PIK3CD: variants seen among roughly 807,000 people sequenced by gnomAD.
The protein encoded by PIK3CD is phosphatidylinositol-4,5-bisphosphate 3-kinase catalytic subunit delta.
PIK3CD carries 20 observed loss-of-function variants against 122.9 expected under a neutral mutation model. The observed-to-expected ratio is 0.16, with a 90% CI of 0.11 to 0.24. The LOEUF (loss-of-function observed/expected upper bound fraction) is 0.24, where lower values mean the gene tolerates loss of function less well. PIK3CD is among the 10% of genes least tolerant of loss of function. PIK3CD has a pLI of 1.00. For missense variants in PIK3CD, 787 were observed against 1,406.3 expected (o/e 0.56, Z 7.04); for synonymous variants, 596 against 593.4 (o/e 1.00, Z -0.06).
rs1648984314 is a variant in PIK3CD at position 9,723,323 on chromosome 1, CTCCTT to C, written c.2594+35_2594+39del. 6.2e-7 allele frequency: 1 copy of C among 1,611,516 alleles called. No individual in the cohort carries two copies. Among genetic ancestry groups the C allele is most frequent in the Non-Finnish European group, 8.5e-7 (1 of 1,177,992 alleles). ...TTTCAGGCCCAGGGATAGGTTCCCTCTCCTTTCCAAGAGGTGTGGAGTGGGAGGGC... is the reference window on the plus strand; with the variant it reads ...TTTCAGGCCCAGGGATAGGTTCCCTCTCCAAGAGGTGTGGAGTGGGAGGGC... On this transcript the variant is annotated intron_variant, in intron 20 of 23. Transcript: ENST00000377346. This position sits in a 1 kb window ranked among gnomAD's most constrained non-coding sequence, Gnocchi z 4.9.
At chr1:9,671,149 G>A (rs184833429) in intron 1 of PIK3CD, among the ~76,000 whole-genome samples, 1 of 152,234 alleles carries the variant, frequency 6.6e-6, no homozygotes, top group African/African-American at 2.4e-5. Flanking sequence ...GCCCAGGCTG[G>A]AGTGCAGTGG....
At chr1:9,638,443 A>G in the PIK3CD span, among the ~76,000 whole-genome samples, 17 of 152,066 alleles carry the variant, frequency 1.1e-4, no homozygotes, top group African/African-American at 3.6e-4. Context: ...AAAAACTTCA[A>G]TCATCTAGGC....
At chr1:9,669,851 C>T (rs1057418722) in intron 1 of PIK3CD, among the ~76,000 whole-genome samples, 4 of 152,098 alleles carry the variant, frequency 2.6e-5, no homozygotes, top group Non-Finnish European at 5.9e-5. Context: ...TCAACTTTCT[C>T]GTTACACATC....
Position 9,720,232 on chromosome 1 carries a change from C to T in PIK3CD, c.1460C>T (p.Ala487Val). 6.2e-7 allele frequency: 1 copy of T among 1,606,118 alleles called. No homozygotes were observed. Among genetic ancestry groups the T allele is most frequent in the Non-Finnish European group, 8.5e-7 (1 of 1,174,762 alleles). ...GCCCCGCACCCCGTGTACTACCCCG[C>T]CCTGGAGAAGGTCAGTGGGGGCCCC... ...EVAPHPVYYP[A>V]LEKILELGRH... Residue 487 changes from alanine to valine, a missense_variant, in exon 11 of 24, where the codon GCC becomes GTC. Ala to Val is a moderately conservative substitution (Grantham distance 64, BLOSUM62 0). Around this residue, in one of 6 missense-constraint regions of PIK3CD, gnomAD observed 592 missense variants for 920.6 expected, o/e 0.64. Coordinates refer to ENST00000377346, the MANE Select transcript of PIK3CD (RefSeq NM_005026.5). This position sits in a 1 kb window ranked among gnomAD's most constrained non-coding sequence, Gnocchi z 9.0.
intron 3 of PIK3CD, among the ~76,000 whole-genome samples, chr1:9,711,134 C>T (rs1557654467): frequency 6.6e-6 from 1 of 152,090 alleles, no homozygotes; most frequent in Non-Finnish European, 1.5e-5. Flanking sequence ...CGCTCTGTCA[C>T]CTAGGCTGGA....
the PIK3CD span, among the ~76,000 whole-genome samples, chr1:9,634,590 C>A: frequency 1.1e-4 from 17 of 152,174 alleles, no homozygotes; most frequent in South Asian, 6.2e-4. Flanking sequence ...TGAGCCACTG[C>A]GTCCAGCCTC....
chr1:9,657,686 T>G (rs1377909518), intron 1 of PIK3CD, among the ~76,000 whole-genome samples: 1 of 152,006 alleles, frequency 6.6e-6, no homozygotes, highest in East Asian at 1.9e-4. Flanking sequence ...GTCCCTGCCC[T>G]CCGCAGCCCA....
At chr1:9,642,492 T>G in the PIK3CD span, among the ~76,000 whole-genome samples, 2 of 147,678 alleles carry the variant, frequency 1.4e-5, no homozygotes, top group Admixed American at 6.7e-5. Flanking sequence ...CCGAGGCGGG[T>G]GGATCACGAG....
At chr1:9,709,711 A>C (rs1646975265) in intron 2 of PIK3CD, among the ~76,000 whole-genome samples, 1 of 151,492 alleles carries the variant, frequency 6.6e-6, no homozygotes, top group Non-Finnish European at 1.5e-5. Context: ...TTCAAAAAAA[A>C]AAATCTATTT....
Position 9,652,174 on chromosome 1 carries a change from C to A in PIK3CD, c.-138+372C>A, listed in dbSNP as rs2100679988. Among the ~76,000 whole-genome samples the A allele has an allele frequency of 6.6e-6, 1 of 152,266 alleles. No individual in the cohort carries two copies. Among genetic ancestry groups the A allele is most frequent in the South Asian group, 2.1e-4 (1 of 4,826 alleles). ...GCGGCCTCCGGTGCGCCGGCTGAGG[C>A]GCGAGGATACTGGAAGCGCTCAGCG... On this transcript the variant is annotated intron_variant, in intron 1 of 23. Coordinates refer to ENST00000377346, the MANE Select transcript of PIK3CD (RefSeq NM_005026.5). This position sits in a 1 kb window ranked among gnomAD's most constrained non-coding sequence, Gnocchi z 6.2.
rs1647815342 is a variant in PIK3CD, at chr1:9,718,007, T to C, written c.1020+381T>C. ...TCCCTGGAGGCACCAGGGCGGTGCC[T>C]GCAGCCTGTGAGGGCTGCACCTGCC... On this transcript the variant is annotated intron_variant, in intron 8 of 23. Transcript: ENST00000377346. The surrounding 1 kb of genome is among the most constrained non-coding windows in gnomAD (Gnocchi z 7.2). The C allele has an allele frequency of 5.6e-5, 26 of 461,052 alleles. No homozygotes were observed. Among genetic ancestry groups the C allele is most frequent in the South Asian group, 4.3e-4 (25 of 58,328 alleles). 28.6% of individuals were successfully genotyped at this position (461,052 alleles called of 1,614,324 possible).
At chr1:9,637,625 A>G in the PIK3CD span, among the ~76,000 whole-genome samples, 29,859 of 151,898 alleles carry the variant, frequency 0.2, 2,979 homozygotes, top group East Asian at 0.26. Context: ...GGCTGTAGGG[A>G]AGGATCCTTC....
upstream of PIK3CD, among the ~76,000 whole-genome samples, chr1:9,650,997 A>AAAATTAG (rs35506102): frequency 3.3e-5 from 5 of 152,234 alleles, no homozygotes; most frequent in East Asian, 9.6e-4. Context: ...GGTGTGCACC[A>AAAATTAG]CCACGACTGG....
chr1:9,628,944 A>C, the PIK3CD span, among the ~76,000 whole-genome samples: 1 of 151,798 alleles, frequency 6.6e-6, no homozygotes, highest in African/African-American at 2.4e-5. Context: ...GAAGGTCCCC[A>C]GAAGCCCCCG....
Position 9,715,820 on chromosome 1 carries a change from C to A in PIK3CD, c.371-29C>A. On this transcript the variant is annotated intron_variant, in intron 4 of 23. Coordinates refer to ENST00000377346, the MANE Select transcript of PIK3CD (RefSeq NM_005026.5). This position sits in a 1 kb window ranked among gnomAD's most constrained non-coding sequence, Gnocchi z 4.1. ...GCCGGGCTGGCCCTGCCTGCCCCAC[C>A]CGCTGACCCAGCCCTCCCCACCCCG... 1 of 1,610,412 alleles carries A rather than the reference C, an allele frequency of 6.2e-7. No individual in the cohort carries two copies. The highest frequency in any genetic ancestry group is 8.5e-7 in the Non-Finnish European group (1 of 1,177,956).
chr1:9,669,585 C>G (rs564958614), intron 1 of PIK3CD, among the ~76,000 whole-genome samples: 14 of 152,274 alleles, frequency 9.2e-5, no homozygotes, highest in African/African-American at 2.9e-4. Context: ...CTCGGCCTCG[C>G]AAAGTACTGG....
At chr1:9,650,379 G>A (rs1377359701), upstream of PIK3CD, among the ~76,000 whole-genome samples, 1 of 152,108 alleles carries the variant, frequency 6.6e-6, no homozygotes, top group Non-Finnish European at 1.5e-5. Context: ...CCAAGATCAC[G>A]CCACTGCACT....
rs1648068465 is a variant in PIK3CD at position 9,719,208 on chromosome 1, A to G, written c.1242+293A>G. On this transcript the variant is annotated intron_variant, in intron 9 of 23. Transcript: ENST00000377346. This position sits in a 1 kb window ranked among gnomAD's most constrained non-coding sequence, Gnocchi z 5.5. ...GGGATGGAAGGACAAGCACAGTGTC[A>G]TCCCTGGAGCAGAAAAGCCTGAGTC... Among the ~76,000 whole-genome samples the G allele has an allele frequency of 6.6e-6, 1 of 152,230 alleles. No individual in the cohort carries two copies. Among genetic ancestry groups the G allele is most frequent in the African/African-American group, 2.4e-5 (1 of 41,470 alleles).
At chr1:9,667,877 C>T (rs1305821880) in intron 1 of PIK3CD, among the ~76,000 whole-genome samples, 1 of 145,826 alleles carries the variant, frequency 6.9e-6, no homozygotes, top group Non-Finnish European at 1.5e-5. Context: ...GCTGGGACTA[C>T]AGGTGCTGCC....
Sources: allele counts gnomAD v4.1 joint callset (sites outside exome capture counted in the v4.1 genomes callset), GRCh38; gene constraint gnomAD v4.1.1; regional missense constraint gnomAD v4.1.1; non-coding constraint Gnocchi (gnomAD v3.1); transcripts MANE v1.5; gene names NCBI Gene and HGNC (gene_info 2026-07-23, HGNC 2026-07-21).